Variants in TNNT2 observed in about 807,000 individuals in gnomAD.
The protein encoded by TNNT2 is troponin T2, cardiac type.
TNNT2 carries 34 observed loss-of-function variants against 62.4 expected under a neutral mutation model. That is an observed-to-expected ratio of 0.54 (90% CI 0.41 to 0.72). The LOEUF is 0.72. Ranked by LOEUF, TNNT2 falls within the 30% of genes least tolerant of loss-of-function variation. The pLI is 0.00. For synonymous variants in TNNT2, 123 were observed against 127.2 expected (o/e 0.97, Z 0.22); for missense variants, 275 against 381.9 (o/e 0.72, Z 2.33).
intron 7 of TNNT2, chr1:201,367,295 C>A: frequency 2.6e-6 from 1 of 386,906 alleles, no homozygotes; most frequent in Non-Finnish European, 4.9e-6. Context: ...AAGCTGATGA[C>A]ATGATTCCAA....
chr1:201,372,450 C>G (rs1310580480), intron 2 of TNNT2, among the ~76,000 whole-genome samples: 1 of 152,144 alleles, frequency 6.6e-6, no homozygotes, highest in South Asian at 2.1e-4. Flanking sequence ...AAGCTGTACC[C>G]CTTTCTAGAA....
chr1:201,359,051 G>T lies in TNNT2; in HGVS notation c.*159C>A. Reference sequence around the variant, plus strand: ...GGCTTTTTATTACTGGTGTGGAGTGGGTGTGGGGGCAGGCAGGAGTGGTGG... The same window carrying T: ...GGCTTTTTATTACTGGTGTGGAGTGTGTGTGGGGGCAGGCAGGAGTGGTGG... On this transcript the variant is annotated 3_prime_UTR_variant, in exon 17 of 17. Transcript: ENST00000656932. The T allele has an allele frequency of 1.2e-6, 1 of 807,558 alleles. No individual in the cohort carries two copies. Among genetic ancestry groups the T allele is most frequent in the South Asian group, 1.5e-5 (1 of 67,608 alleles). 50.0% of individuals were successfully genotyped at this position (807,558 alleles called of 1,614,324 possible).
chr1:201,365,096 G>T, intron 10 of TNNT2, 95 bp downstream of exon 10: 3 of 1,093,980 alleles, frequency 2.7e-6, no homozygotes, highest in South Asian at 1.2e-5. Context: ...TTGAGGCGCC[G>T]AGGAAGGCTG....
chr1:201,361,539 G>A (rs1160709452), intron 14 of TNNT2, among the ~76,000 whole-genome samples, 170 bp from the exon 15 acceptor site: 1 of 152,134 alleles, frequency 6.6e-6, no homozygotes, highest in Non-Finnish European at 1.5e-5. Context: ...GGACCAGACG[G>A]CAGCACCCAG....
At position 201,359,210 on chromosome 1, in the gene TNNT2, C is replaced by T. The variant is rs1311267989; in HGVS notation, c.897G>A (p.Ter299=). The change falls in exon 17 of 17, where the codon TAG becomes TAA. Residue 299 remains the stop codon, a stop_retained_variant. Transcript: ENST00000656932. ...GKAKVTGRWK[*] is the part of the protein sequence containing the mutation. ...GATCTTTGGTGAAGGAGGCCAGGCT[C>T]TATTTCCAGCGCCCGGTGACTTTAG... 2.5e-6 allele frequency: 4 copies of T among 1,609,646 alleles called. No individual in the cohort carries two copies. The African/African-American group carries it at 5.3e-5, about 21-fold the overall frequency.
At chr1:201,366,981 G>A (rs1348940711) in intron 7 of TNNT2, 110 bp from the exon 8 acceptor site, 1 of 1,579,998 alleles carries the variant, frequency 6.3e-7, no homozygotes. Flanking sequence ...CATCTGCACA[G>A]TGAGTCCCTC....
At chr1:201,364,427 T>G in intron 10 of TNNT2, 52 bp from the exon 11 acceptor site, 1 of 1,583,516 alleles carries the variant, frequency 6.3e-7, no homozygotes. Flanking sequence ...GAAGGTGACA[T>G]CGCAGGTACA....
intron 4 of TNNT2, among the ~76,000 whole-genome samples, chr1:201,370,271 CCCT>C (rs1660423667): frequency 6.6e-6 from 1 of 152,190 alleles, no homozygotes; most frequent in Non-Finnish European, 1.5e-5. Context: ...AAATTTCCTG[CCCT>C]CAACGAGCCT....
intron 8 of TNNT2, 60 bp from the exon 9 acceptor site, chr1:201,365,730 C>T (rs529468471): frequency 6.3e-7 from 1 of 1,597,812 alleles, no homozygotes; most frequent in Admixed American, 1.7e-5. Context: ...CTGAGGGTGT[C>T]CAGGACAGGC....
At position 201,361,898 on chromosome 1, in the gene TNNT2, C is replaced by A. The variant is rs780636482; in HGVS notation, c.719+15G>T. On this transcript the variant is annotated intron_variant, in intron 14 of 16. Coordinates refer to ENST00000656932, the MANE Select transcript of TNNT2 (RefSeq NM_001276345.2). ...ATGCGGGCAGTGCCCCAGGACCATT[C>A]CTCCCAGCCCCCACCTCAGCTGATC... The A allele has an allele frequency of 6.2e-7, 1 of 1,611,432 alleles. No individual in the cohort carries two copies. The highest frequency in any genetic ancestry group is 8.5e-7 in the Non-Finnish European group (1 of 1,177,534).
At chr1:201,366,642 G>A in intron 8 of TNNT2, 196 bp downstream of exon 8, 1 of 1,474,710 alleles carries the variant, frequency 6.8e-7, no homozygotes, top group Admixed American at 2.1e-5. Flanking sequence ...TGGAGTGTTG[G>A]GTGGAATTCA....
rs1659453882 is a variant in TNNT2, at chr1:201,365,314, G to C, written c.295-7C>G. 1 of 1,611,672 alleles carries C rather than the reference G, an allele frequency of 6.2e-7. No homozygotes were observed. The highest frequency in any genetic ancestry group is 1.7e-5 in the Admixed American group (1 of 59,998). Reference sequence around the variant, plus strand: ...TGCGCTTCCGGTGGATGTCCTGTGGGTGGACCGCTGCGGCTCAGAGGCTGC... The same window carrying C: ...TGCGCTTCCGGTGGATGTCCTGTGGCTGGACCGCTGCGGCTCAGAGGCTGC... On this transcript the variant is annotated splice_region_variant and splice_polypyrimidine_tract_variant and intron_variant, in intron 9 of 16. Transcript: ENST00000656932.
intron 5 of TNNT2, chr1:201,369,489 G>A (rs901731469): frequency 3.4e-5 from 17 of 502,062 alleles, no homozygotes; most frequent in South Asian, 7.9e-5. Flanking sequence ...GCAGGGTGGC[G>A]CTGCTGTCTT....
chr1:201,367,341 G>A (rs1450422115), intron 7 of TNNT2: 6 of 384,984 alleles, frequency 1.6e-5, no homozygotes, highest in African/African-American at 1.0e-4. Flanking sequence ...TTGGAGAAGT[G>A]ACTGGGACCA....
At chr1:201,377,555 C>A (rs1661574551) in intron 1 of TNNT2, 68 bp downstream of exon 1, 2 of 456,152 alleles carry the variant, frequency 4.4e-6, no homozygotes, top group Admixed American at 4.7e-5. Context: ...ATGCCAGGGC[C>A]CAAGACCCTC....
intron 1 of TNNT2, chr1:201,375,456 A>T (rs923134780): frequency 6.6e-6 from 1 of 152,094 alleles, no homozygotes; most frequent in Non-Finnish European, 1.5e-5. Context: ...TTTTGCCCCA[A>T]CCCCCAGGGT....
intron 8 of TNNT2, chr1:201,365,905 C>T: frequency 7.2e-7 from 1 of 1,380,604 alleles, no homozygotes; most frequent in Non-Finnish European, 9.5e-7. Context: ...ATGATATGCC[C>T]ATGAAGTGGG....
rs116432528 is a variant in TNNT2 at position 201,373,954 on chromosome 1, C to A, written c.-14-686G>T. On this transcript the variant is annotated intron_variant, in intron 1 of 16. Transcript: ENST00000656932. ...ACTGGCCTGGACAAATGAGTGAGAA[C>A]TTGTCTCTAAATAAATAAATCAAAG... 8.1e-3 allele frequency: 1,253 copies of A among 155,612 alleles called. 19 individuals carry two copies. Among genetic ancestry groups the A allele is most frequent in the African/African-American group, 0.029 (1,191 of 41,566 alleles). 9.6% of individuals were successfully genotyped at this position (155,612 alleles called of 1,614,324 possible).
At chr1:201,368,113 G>C (rs1465600489) in intron 6 of TNNT2, 49 bp downstream of exon 6, 1 of 1,592,486 alleles carries the variant, frequency 6.3e-7, no homozygotes, top group South Asian at 1.1e-5. Context: ...ATGGCTCCAG[G>C]GGCTCTCGCC....
Sources: allele counts gnomAD v4.1 joint callset (sites outside exome capture counted in the v4.1 genomes callset), GRCh38; gene constraint gnomAD v4.1.1; transcripts MANE v1.5; gene names NCBI Gene and HGNC (gene_info 2026-07-23, HGNC 2026-07-21).